The following SBNO1 variants were observed in gnomAD, a reference collection of about 807,000 sequenced individuals.
SBNO1 encodes the protein protein strawberry notch homolog 1.
Under a neutral mutation model 173.6 loss-of-function variants are expected in SBNO1, and 23 were observed. That is an observed-to-expected ratio of 0.13 (90% CI 0.10 to 0.19). The LOEUF is 0.19. SBNO1 is among the 10% of genes least tolerant of loss of function. The pLI is 1.00. For missense variants in SBNO1, 1,238 were observed against 1,671.2 expected, an observed-to-expected ratio of 0.74 and a Z score of 4.52; for synonymous variants, 632 against 571.5, an observed-to-expected ratio of 1.11 and a Z score of -1.51.
intron 13 of SBNO1, 137 bp from the exon 14 acceptor site, chr12:123,326,471 TC>T (rs1216318071): frequency 1.4e-5 from 7 of 494,286 alleles, no homozygotes; most frequent in Non-Finnish European, 1.7e-5. Flanking sequence ...AACTTGGGAA[TC>T]TATTTCTCAG....
rs757851038 is a variant in SBNO1, at chr12:123,320,715, A to G, written c.2475T>C (p.Ala825=). Residue 825 remains alanine, a synonymous_variant, in exon 18 of 32, where the codon GCT becomes GCC. Transcript: ENST00000602398. ...SFSSTPVISP[A]PNSTPANSNT... ...TATGGATACCTGGTGTACTGTTAGG[A>G]GCAGGTGAGATAACTGGTGTAGATG... 2.5e-6 allele frequency: 4 copies of G among 1,608,710 alleles called. No individual in the cohort carries two copies. In the Admixed American group the frequency reaches 5.1e-5, roughly 21 times the overall value.
chr12:123,301,871 T>C (rs1366204902), intron 30 of SBNO1, among the ~76,000 whole-genome samples: 1 of 151,992 alleles, frequency 6.6e-6, no homozygotes, highest in Non-Finnish European at 1.5e-5. Context: ...ATAGGGAGAC[T>C]GTCTCTTTAA....
chr12:123,304,087 C>T (rs61953421), intron 29 of SBNO1, among the ~76,000 whole-genome samples: 1,578 of 152,032 alleles, frequency 0.01, 9 homozygotes, highest in Middle Eastern at 0.02. Context: ...TGCAACACTA[C>T]GCCTGGCTAT....
At chr12:123,350,913 G>A (rs767967014) in intron 1 of SBNO1, among the ~76,000 whole-genome samples, 1 of 152,146 alleles carries the variant, frequency 6.6e-6, no homozygotes, top group Non-Finnish European at 1.5e-5. Flanking sequence ...CCTAAGTTCA[G>A]AAGTTTGAGA....
In SBNO1 at chr12:123,321,546, T is replaced by G; in HGVS notation, c.2312A>C (p.Asp771Ala). 6.2e-7 allele frequency: 1 copy of G among 1,610,356 alleles called. No individual in the cohort carries two copies. Among genetic ancestry groups the G allele is most frequent in the Non-Finnish European group, 8.5e-7 (1 of 1,176,600 alleles). ...TATACTGAACTTACCATTTTCATCA[T>G]CCTCATTAGACTCATCTAAAAATGG... is the stretch of plus-strand genomic sequence containing the variant. ...FNPFLDESNEDDENDPWLIRK... is the reference protein window; with the variant it reads ...FNPFLDESNEADENDPWLIRK... The change falls in exon 17 of 32, where the codon GAT becomes GCT. Residue 771 changes from aspartate (D) to alanine (A), a missense_variant. Asp to Ala is a moderately radical substitution (Grantham distance 126). Coordinates refer to ENST00000602398, the MANE Select transcript of SBNO1 (RefSeq NM_001167856.3).
intron 1 of SBNO1, among the ~76,000 whole-genome samples, chr12:123,357,186 C>T (rs932066120): frequency 4.6e-5 from 7 of 152,066 alleles, no homozygotes; most frequent in African/African-American, 1.7e-4. Flanking sequence ...GTGGCTCATG[C>T]CTGTAATTCC....
At chr12:123,364,626 C>G (rs1875916640) in intron 1 of SBNO1, 75 bp downstream of exon 1, 3 of 845,528 alleles carry the variant, frequency 3.5e-6, no homozygotes, top group Non-Finnish European at 3.9e-6. Context: ...CCCGCACGGC[C>G]CCCCGAGGGT....
rs114314586 is a variant in SBNO1, at chr12:123,321,537, T to C, written c.2321A>G (p.Asn774Ser). 5,487 of 1,608,034 alleles carry C rather than the reference T, an allele frequency of 3.4e-3. 16 individuals carry two copies. The highest frequency in any genetic ancestry group is 4.5e-3 in the Non-Finnish European group (5,259 of 1,174,506). The change falls in exon 17 of 32, where the codon AAT becomes AGT. Residue 774 changes from asparagine to serine, a missense_variant and splice_region_variant. This residue lies in a region of SBNO1 where 33 missense variants were observed against 29.6 expected (regional missense o/e 1.11). Transcript: ENST00000602398. ...FLDESNEDDE[N>S]DPWLIRKDHK... The stretch of plus-strand genomic sequence containing the variant: ...TATATTTAATATACTGAACTTACCA[T>C]TTTCATCATCCTCATTAGACTCATC...
At position 123,298,144 on chromosome 12, in the gene SBNO1, C is replaced by T; in HGVS notation, c.3873G>A (p.Leu1291=). The T allele has an allele frequency of 6.2e-7, 1 of 1,612,988 alleles. No homozygotes were observed. Among genetic ancestry groups the T allele is most frequent in the Non-Finnish European group, 8.5e-7 (1 of 1,179,738 alleles). ...YWRGNCKKAS[L]GLVCEIGLRC... ...GAAGACCTATTTCACAAACTAGCCC[C>T]AAGCTTGCTTTTTTGCAATTGCCGC... The change falls in exon 31 of 32, where the codon TTG becomes TTA. Residue 1291 remains leucine, a synonymous_variant. Transcript: ENST00000602398.
Position 123,364,792 on chromosome 12 carries a change from G to A in SBNO1, c.-92C>T. The A allele has an allele frequency of 1.0e-6, 1 of 987,308 alleles. No individual in the cohort carries two copies. Among genetic ancestry groups the A allele is most frequent in the East Asian group, 1.1e-4 (1 of 8,882 alleles). 61.2% of individuals were successfully genotyped at this position (987,308 alleles called of 1,614,324 possible). On this transcript the variant is annotated 5_prime_UTR_variant, in exon 1 of 32. Coordinates refer to ENST00000602398, the MANE Select transcript of SBNO1 (RefSeq NM_001167856.3). The stretch of plus-strand genomic sequence containing the variant: ...GACTGGAGCGGAGGCGGCGGTGGCG[G>A]CGGCAGCAGCGGCGTCCTGCTCTGC...
chr12:123,306,655 A>C (rs2048922319), intron 28 of SBNO1, among the ~76,000 whole-genome samples: 1 of 151,978 alleles, frequency 6.6e-6, no homozygotes, highest in Non-Finnish European at 1.5e-5. Flanking sequence ...GAGGAGTTCG[A>C]GACTGTCCTG....
At chr12:123,359,794 C>T (rs1269856045) in intron 1 of SBNO1, among the ~76,000 whole-genome samples, 1 of 152,126 alleles carries the variant, frequency 6.6e-6, no homozygotes, top group Non-Finnish European at 1.5e-5. Flanking sequence ...TCAGTGGTAT[C>T]CCTAAGGTTG....
At chr12:123,362,854 G>A (rs1278113441) in intron 1 of SBNO1, among the ~76,000 whole-genome samples, 3 of 151,086 alleles carry the variant, frequency 2.0e-5, no homozygotes, top group East Asian at 3.9e-4. Flanking sequence ...GGGAAGCGGA[G>A]GCCAGAAGAT....
At chr12:123,346,230 A>C (rs1248948795) in intron 3 of SBNO1, among the ~76,000 whole-genome samples, 2 of 152,184 alleles carry the variant, frequency 1.3e-5, no homozygotes, top group Admixed American at 1.3e-4. Context: ...CAAAATAGCA[A>C]GACCCCTCCC....
chr12:123,346,435 C>A (rs1401983414), intron 3 of SBNO1, among the ~76,000 whole-genome samples: 1 of 151,204 alleles, frequency 6.6e-6, no homozygotes, highest in Non-Finnish European at 1.5e-5. Flanking sequence ...GAGGCTGAGG[C>A]GGGCGGATCA....
chr12:123,299,695 A>AC lies in SBNO1; in HGVS notation c.3846-1525_3846-1524insG, dbSNP rs201133682. 4.9e-3 allele frequency among the ~76,000 whole-genome samples: 734 copies of AC among 151,224 alleles called. 10 individuals carry two copies. The highest frequency in any genetic ancestry group is 0.039 in the South Asian group (186 of 4,774). On this transcript the variant is annotated intron_variant, in intron 30 of 31. Coordinates refer to ENST00000602398, the MANE Select transcript of SBNO1 (RefSeq NM_001167856.3). The stretch of plus-strand genomic sequence containing the variant: ...GACTCTGTCTTCAAAAAAAAAAAAA[A>AC]AAAACAAAAAAGCCAAGTGTGTTGG...
At chr12:123,347,417 G>A (rs531468406) in intron 3 of SBNO1, among the ~76,000 whole-genome samples, 14 of 151,612 alleles carry the variant, frequency 9.2e-5, no homozygotes, top group Admixed American at 5.3e-4. Context: ...TAGTAGAGAC[G>A]GGGTTTCACC....
intron 2 of SBNO1, 146 bp downstream of exon 2, chr12:123,350,164 G>A (rs1279090547): frequency 2.4e-6 from 2 of 839,536 alleles, no homozygotes; most frequent in South Asian, 1.8e-5. Context: ...TGAGGCAGAA[G>A]GATGGTTTGA....
At chr12:123,338,003 C>A (rs1246916846) in intron 5 of SBNO1, among the ~76,000 whole-genome samples, 1 of 152,112 alleles carries the variant, frequency 6.6e-6, no homozygotes, top group African/African-American at 2.4e-5. Context: ...AAGCCAGGTG[C>A]ATGTGAGATA....
Sources: gnomAD v4.1 joint callset for allele counts (sites outside exome capture counted in the v4.1 genomes callset) on GRCh38, gnomAD v4.1.1 for gene constraint, gnomAD v4.1.1 regional missense constraint, MANE v1.5 for transcripts, NCBI Gene and HGNC (gene_info 2026-07-23, HGNC 2026-07-21) for gene names.